Variants in BORCS8 observed in about 807,000 individuals in gnomAD.
The protein encoded by BORCS8 is BLOC-1 related complex subunit 8.
A neutral mutation model predicts 18.7 loss-of-function variants in BORCS8; 13 were observed. That is an observed-to-expected ratio of 0.70 (90% CI 0.45 to 1.11). BORCS8 has a LOEUF of 1.11. Ranked by LOEUF, BORCS8 falls within the 50% of genes least tolerant of loss-of-function variation. The pLI, the probability that BORCS8 is intolerant of heterozygous loss-of-function variation, is 0.00. For synonymous variants in BORCS8, 68 were observed against 64.8 expected (o/e 1.05, Z -0.24); for missense variants, 165 against 165.7 (o/e 1.00, Z 0.02).
chr19:19,186,092 T>A lies in BORCS8; in HGVS notation c.157A>T (p.Met53Leu). ...LPELAQHKADMQRWEEQSQGA... is the reference protein window; with the variant it reads ...LPELAQHKADLQRWEEQSQGA... ...TGGCTCTGCTCCTCCCAACGCTGCA[T>A]GTCTGCCTGTAGGGGGCGCAGGAGA... Residue 53 changes from methionine to leucine, a missense_variant, in exon 3 of 6, where the codon ATG (methionine) becomes TTG (leucine). Physicochemically the swap from Met to Leu is conservative, Grantham distance 15 (BLOSUM62 2). Coordinates refer to ENST00000462790, the MANE Select transcript of BORCS8 (RefSeq NM_001145784.2). The A allele has an allele frequency of 2.6e-6, 4 of 1,551,482 alleles. No individual in the cohort carries two copies. The highest frequency in any genetic ancestry group is 2.4e-5 in the East Asian group (1 of 40,910).
Position 19,182,964 on chromosome 19 carries a change from T to C in BORCS8, c.216-281A>G, listed in dbSNP as rs530517441. Among the ~76,000 whole-genome samples, 2 of 152,148 alleles carry C rather than the reference T, an allele frequency of 1.3e-5. No homozygotes were observed. Among genetic ancestry groups the C allele is most frequent in the African/African-American group, 4.8e-5 (2 of 41,490 alleles). On this transcript the variant is annotated intron_variant, in intron 3 of 5. Transcript: ENST00000462790. The surrounding 1 kb of genome is among the most constrained non-coding windows in gnomAD (Gnocchi z 4.1). Reference sequence around the variant, plus strand: ...ATATCTCGGCCATTACTGCTGATAATGGGGGTGTAAAAAATAGGAAAGAAA... The same window carrying C: ...ATATCTCGGCCATTACTGCTGATAACGGGGGTGTAAAAAATAGGAAAGAAA...
intron 4 of BORCS8, among the ~76,000 whole-genome samples, chr19:19,181,265 T>A (rs1335122215): frequency 2.0e-5 from 3 of 149,576 alleles, no homozygotes; most frequent in Non-Finnish European, 4.5e-5. Flanking sequence ...TTTGGGAGGC[T>A]GAGGCGAGAG....
intron 1 of BORCS8, among the ~76,000 whole-genome samples, chr19:19,191,359 G>C (rs1330242389): frequency 6.6e-6 from 1 of 151,842 alleles, no homozygotes; most frequent in Non-Finnish European, 1.5e-5. Context: ...TGATGTGGTG[G>C]TGTGCACTTG....
intron 1 of BORCS8, among the ~76,000 whole-genome samples, chr19:19,188,178 C>T (rs915705133): frequency 3.3e-4 from 50 of 151,956 alleles, no homozygotes; most frequent in African/African-American, 9.4e-4. Flanking sequence ...TACAGGCACC[C>T]GCCACCACGC....
intron 3 of BORCS8, among the ~76,000 whole-genome samples, chr19:19,183,769 C>T (rs1289440100): frequency 7.2e-6 from 1 of 138,918 alleles, no homozygotes; most frequent in East Asian, 2.2e-4. Flanking sequence ...ACTTTTAGTA[C>T]ATGTTGGTCA....
chr19:19,190,621 T>A (rs908165007), intron 1 of BORCS8, among the ~76,000 whole-genome samples: 1 of 152,176 alleles, frequency 6.6e-6, no homozygotes, highest in Non-Finnish European at 1.5e-5. Context: ...AAACCCCGTT[T>A]CTACTGAAAA....
rs1377866934 is a variant in BORCS8, at chr19:19,177,134, A to C, written c.*369T>G. 6.6e-6 allele frequency: 1 copy of C among 152,124 alleles called. No homozygotes were observed. The highest frequency in any genetic ancestry group is 2.4e-5 in the African/African-American group (1 of 41,416). The allele number at this position is 152,124 out of a possible 1,614,324, so 9.4% of individuals were successfully genotyped here. ...TGTCCATCTCAAACCAATCACTAGG[A>C]ACCTAGGACAAGGGAGCTCTGATTG... On this transcript the variant is annotated 3_prime_UTR_variant, in exon 6 of 6. Transcript: ENST00000462790.
At chr19:19,180,785 C>T in intron 4 of BORCS8, 24 bp from the exon 5 acceptor site, 1 of 1,538,110 alleles carries the variant, frequency 6.5e-7, no homozygotes, top group Non-Finnish European at 8.8e-7. Flanking sequence ...TGTGCAGCAT[C>T]CATGAGGCCA....
chr19:19,180,661 G>T, intron 5 of BORCS8, 25 bp downstream of exon 5: 1 of 1,461,212 alleles, frequency 6.8e-7, no homozygotes, highest in Non-Finnish European at 9.4e-7. Flanking sequence ...AGAGAGAGAG[G>T]CTCGTGGCTA....
In BORCS8 at chr19:19,182,036, G is replaced by A. The variant is rs1176201720; in HGVS notation, c.326+537C>T. 1.0e-5 allele frequency: 10 copies of A among 985,266 alleles called. No individual in the cohort carries two copies. Among genetic ancestry groups the A allele is most frequent in the African/African-American group, 7.0e-5 (4 of 57,158 alleles). The allele number at this position is 985,266 out of a possible 1,614,324, so 61.0% of individuals were successfully genotyped here. On this transcript the variant is annotated intron_variant, in intron 4 of 5. Coordinates refer to ENST00000462790, the MANE Select transcript of BORCS8 (RefSeq NM_001145784.2). This position sits in a 1 kb window ranked among gnomAD's most constrained non-coding sequence, Gnocchi z 4.1. ...AAGCCTCCCTTGGCTCTGGGTCCTG[G>A]GACAGGGAGAGGCCCCTGCCATCTC...
In BORCS8 at chr19:19,186,967, T is replaced by C. The variant is rs1245928627; in HGVS notation, c.76A>G (p.Asn26Asp). The C allele has an allele frequency of 6.4e-7, 1 of 1,551,366 alleles. No individual in the cohort carries two copies. Among genetic ancestry groups the C allele is most frequent in the South Asian group, 1.2e-5 (1 of 84,052 alleles). Residue 26 changes from asparagine (N) to aspartate (D), a missense_variant, in exon 2 of 6, where the codon AAC (asparagine) becomes GAC (aspartate). Coordinates refer to ENST00000462790, the MANE Select transcript of BORCS8 (RefSeq NM_001145784.2). Reference protein sequence around the residue: ...KFTESVYVLANEPSVALYRLQ... With the variant: ...KFTESVYVLADEPSVALYRLQ... ...CGGTACAGGGCCACGGATGGCTCGTTGGCCAGGACGTAGACGCTCTCAGTG... is the reference window on the plus strand; with the variant it reads ...CGGTACAGGGCCACGGATGGCTCGTCGGCCAGGACGTAGACGCTCTCAGTG...
chr19:19,180,398 C>A, intron 5 of BORCS8: 1 of 493,462 alleles, frequency 2.0e-6, no homozygotes, highest in East Asian at 4.0e-5. Context: ...CCTTCTCTGT[C>A]TTGGGGGGTG....
At chr19:19,190,347 G>A (rs184073534) in intron 1 of BORCS8, among the ~76,000 whole-genome samples, 1 of 152,338 alleles carries the variant, frequency 6.6e-6, no homozygotes, top group East Asian at 1.9e-4. Flanking sequence ...CAGGGTGACT[G>A]CTCAGGAGAG....
At chr19:19,177,840 A>G (rs1219978780) in intron 5 of BORCS8, 3 of 155,424 alleles carry the variant, frequency 1.9e-5, no homozygotes, top group African/African-American at 7.2e-5. Flanking sequence ...GCTGGGACCA[A>G]ACCAAGCCGG....
intron 1 of BORCS8, among the ~76,000 whole-genome samples, chr19:19,188,834 T>C (rs773274426): frequency 1.4e-5 from 2 of 147,718 alleles, no homozygotes; most frequent in African/African-American, 2.6e-5. Flanking sequence ...CCTGATGAAA[T>C]TTTTTTTTTC....
rs750983758 is a variant in BORCS8 at position 19,182,523 on chromosome 19, G to A, written c.326+50C>T. On this transcript the variant is annotated intron_variant, in intron 4 of 5. Coordinates refer to ENST00000462790, the MANE Select transcript of BORCS8 (RefSeq NM_001145784.2). The surrounding 1 kb of genome is among the most constrained non-coding windows in gnomAD (Gnocchi z 4.1). ...GCGGTTCCCAGCGCAGCTGAGAGAC[G>A]GTCCTTGCAGCTGGGAGTGGCAGTG... The A allele has an allele frequency of 7.3e-5, 112 of 1,534,444 alleles. 1 individual carries two copies. In the South Asian group the frequency reaches 1.0e-3, roughly 14 times the overall value.
intron 1 of BORCS8, among the ~76,000 whole-genome samples, chr19:19,187,975 T>C (rs941660504): frequency 6.6e-6 from 1 of 152,002 alleles, no homozygotes; most frequent in African/African-American, 2.4e-5. Flanking sequence ...CCCGAGGAGC[T>C]AGAACTACAG....
At chr19:19,183,589 T>C (rs1306966119) in intron 3 of BORCS8, among the ~76,000 whole-genome samples, 2 of 143,174 alleles carry the variant, frequency 1.4e-5, no homozygotes, top group African/African-American at 5.1e-5. Flanking sequence ...TTTTTCTTTC[T>C]TTTTTTTTTT....
Position 19,186,917 on chromosome 19 carries a change from G to A in BORCS8, c.126C>T (p.Ser42=), listed in dbSNP as rs2060414627. 1 of 1,550,504 alleles carries A rather than the reference G, an allele frequency of 6.4e-7. No homozygotes were observed. The highest frequency in any genetic ancestry group is 1.2e-5 in the South Asian group (1 of 84,006). ...CCTTGTGCTGGGCCAGCTCGGGGAG[G>A]GAGCGACGCACATGCTCCTGCAGCC... ...LYRLQEHVRR[S]LPELAQHKAD... The change falls in exon 2 of 6, where the codon TCC becomes TCT. Residue 42 remains serine, a synonymous_variant. Coordinates refer to ENST00000462790, the MANE Select transcript of BORCS8 (RefSeq NM_001145784.2).
Sources: gnomAD v4.1 joint callset for allele counts (sites outside exome capture counted in the v4.1 genomes callset) on GRCh38, gnomAD v4.1.1 for gene constraint, Gnocchi (gnomAD v3.1) non-coding constraint, MANE v1.5 for transcripts, NCBI Gene and HGNC (gene_info 2026-07-23, HGNC 2026-07-21) for gene names.